The following PLD5 variants were observed in gnomAD, a reference collection of about 807,000 sequenced individuals.
PLD5 encodes the protein inactive phospholipase D5.
A neutral mutation model predicts 61.1 loss-of-function variants in PLD5; 36 were observed. That is an observed-to-expected ratio of 0.59 (90% CI 0.45 to 0.78). The LOEUF (loss-of-function observed/expected upper bound fraction) is 0.78, where lower values mean the gene tolerates loss of function less well. Among genes scored for constraint, PLD5 ranks in the 30% least tolerant of loss-of-function variants. The probability of loss-of-function intolerance (pLI) is 0.00; values close to 1 mark genes in which losing one functional copy is unlikely to be tolerated. For synonymous variants in PLD5, 243 were observed against 242.8 expected, an observed-to-expected ratio of 1.00 and a Z score of -0.01; for missense variants, 515 against 644.4, an observed-to-expected ratio of 0.80 and a Z score of 2.17.
intron 4 of PLD5, 75 bp downstream of exon 4, chr1:242,265,262 T>C: frequency 1.3e-6 from 2 of 1,499,744 alleles, no homozygotes; most frequent in Admixed American, 2.6e-5. Context: ...AGAAATTATA[T>C]ATTATTTTAA....
At chr1:242,306,471 G>T (rs1676353438) in intron 2 of PLD5, among the ~76,000 whole-genome samples, 1 of 152,156 alleles carries the variant, frequency 6.6e-6, no homozygotes, top group Middle Eastern at 3.4e-3. Flanking sequence ...AACGGCTCAT[G>T]CTGGCAGGGA....
Position 242,089,912 on chromosome 1 carries a change from G to C in PLD5, c.1553C>G (p.Pro518Arg), listed in dbSNP as rs1342362854. ...PNCSSLFKLKPLSNKTATDDT... is the reference protein window; with the variant it reads ...PNCSSLFKLKRLSNKTATDDT... ...GTCTGTGGCAGTTTTGTTGGAGAGG[G>C]GTTTGAGTTTGAACAGGCTTGAGCA... is the stretch of plus-strand genomic sequence containing the variant. The change falls in exon 10 of 10, where the codon CCC (proline) becomes CGC (arginine). Residue 518 changes from proline (P) to arginine (R), a missense_variant. Transcript: ENST00000536534. The C allele has an allele frequency of 1.2e-6, 2 of 1,614,048 alleles. No individual in the cohort carries two copies. Among genetic ancestry groups the C allele is most frequent in the Admixed American group, 1.7e-5 (1 of 60,000 alleles).
chr1:242,385,666 C>A (rs1481530837), intron 1 of PLD5, among the ~76,000 whole-genome samples: 1 of 152,042 alleles, frequency 6.6e-6, no homozygotes, highest in Non-Finnish European at 1.5e-5. Flanking sequence ...CACTAAAAAT[C>A]AAAAATTAAA....
chr1:242,419,095 C>T (rs947704674), intron 1 of PLD5, among the ~76,000 whole-genome samples: 1 of 152,108 alleles, frequency 6.6e-6, no homozygotes, highest in Non-Finnish European at 1.5e-5. Context: ...CCTCCTAAGA[C>T]ACAGGCAGGA....
intron 5 of PLD5, among the ~76,000 whole-genome samples, chr1:242,194,558 C>T (rs1179035597): frequency 1.4e-5 from 2 of 146,832 alleles, no homozygotes; most frequent in Non-Finnish European, 3.0e-5. Flanking sequence ...AAACTGTGAG[C>T]TATCTCTATA....
At chr1:242,450,109 G>C (rs573980678) in intron 1 of PLD5, among the ~76,000 whole-genome samples, 3 of 152,122 alleles carry the variant, frequency 2.0e-5, no homozygotes, top group African/African-American at 2.4e-5. Flanking sequence ...ATGAAACCAC[G>C]GGGCTCTTTG....
At chr1:242,472,771 T>C (rs1043330032) in intron 1 of PLD5, among the ~76,000 whole-genome samples, 6 of 152,196 alleles carry the variant, frequency 3.9e-5, no homozygotes, top group African/African-American at 1.4e-4. Context: ...ATTTTCTTTT[T>C]CTTGGTTAAC....
chr1:242,239,439 T>C (rs1218290018), intron 4 of PLD5, among the ~76,000 whole-genome samples: 1 of 152,226 alleles, frequency 6.6e-6, no homozygotes. Context: ...AAGTGCTTTA[T>C]TTTATAACCA....
At chr1:242,288,911 T>C (rs1163985273) in intron 2 of PLD5, among the ~76,000 whole-genome samples, 1 of 152,156 alleles carries the variant, frequency 6.6e-6, no homozygotes, top group Non-Finnish European at 1.5e-5. Flanking sequence ...AGATACTACT[T>C]TGCAAGCTAT....
chr1:242,320,129 A>G (rs1317545077), intron 2 of PLD5, among the ~76,000 whole-genome samples: 1 of 152,222 alleles, frequency 6.6e-6, no homozygotes, highest in African/African-American at 2.4e-5. Flanking sequence ...GTCATCTTTG[A>G]TTTACAACAC....
At chr1:242,097,842 A>G (rs1660369464) in intron 9 of PLD5, among the ~76,000 whole-genome samples, 1 of 152,158 alleles carries the variant, frequency 6.6e-6, no homozygotes, top group Non-Finnish European at 1.5e-5. Context: ...CCTGAATGGT[A>G]TTGCCTAGGT....
intron 1 of PLD5, among the ~76,000 whole-genome samples, chr1:242,428,678 A>G (rs1665560112): frequency 6.6e-6 from 1 of 152,144 alleles, no homozygotes; most frequent in South Asian, 2.1e-4. Context: ...TATTTTTTTC[A>G]GTACTTTGTA....
chr1:242,346,305 G>A (rs1294331068), intron 2 of PLD5, among the ~76,000 whole-genome samples: 2 of 152,036 alleles, frequency 1.3e-5, no homozygotes, highest in Non-Finnish European at 2.9e-5. Flanking sequence ...TGTTGAAAAT[G>A]ACCAATACCT....
chr1:242,356,333 T>C (rs1157444000), intron 1 of PLD5, among the ~76,000 whole-genome samples: 1 of 152,036 alleles, frequency 6.6e-6, no homozygotes, highest in Non-Finnish European at 1.5e-5. Context: ...CTTTGTCTTT[T>C]TAAAATACTT....
At chr1:242,139,221 T>C (rs929025047) in intron 5 of PLD5, among the ~76,000 whole-genome samples, 3 of 152,184 alleles carry the variant, frequency 2.0e-5, no homozygotes, top group African/African-American at 2.4e-5. Flanking sequence ...GGTGAAAATA[T>C]GGTCTCAATT....
chr1:242,135,878 C>T (rs1354115558), intron 5 of PLD5, among the ~76,000 whole-genome samples: 2 of 152,194 alleles, frequency 1.3e-5, no homozygotes, highest in Non-Finnish European at 2.9e-5. Context: ...CTTTCTACTT[C>T]TCACTGACTT....
At chr1:242,188,118 T>G (rs1454387374) in intron 5 of PLD5, among the ~76,000 whole-genome samples, 2 of 151,954 alleles carry the variant, frequency 1.3e-5, no homozygotes, top group Non-Finnish European at 2.9e-5. Context: ...CACATATAAG[T>G]GGAAAGAGGA....
intron 4 of PLD5, among the ~76,000 whole-genome samples, chr1:242,254,329 T>C (rs1432984221): frequency 2.0e-5 from 3 of 146,428 alleles, no homozygotes; most frequent in African/African-American, 5.0e-5. Context: ...AGGGAGGTTA[T>C]TATTATCCTC....
chr1:242,440,241 G>A (rs1226850328), intron 1 of PLD5, among the ~76,000 whole-genome samples: 2 of 152,094 alleles, frequency 1.3e-5, no homozygotes, highest in African/African-American at 2.4e-5. Context: ...TTAGGCAGTA[G>A]CATGATTTCG....
Sources: gnomAD v4.1 joint callset for allele counts (sites outside exome capture counted in the v4.1 genomes callset) on GRCh38, gnomAD v4.1.1 for gene constraint, MANE v1.5 for transcripts, NCBI Gene and HGNC (gene_info 2026-07-23, HGNC 2026-07-21) for gene names.